The following LRP4 variants were observed in gnomAD, a reference collection of about 807,000 sequenced individuals.
LRP4 encodes the protein LDL receptor related protein 4.
In LRP4, 95 loss-of-function variants were observed where a neutral mutation model predicts 220.3. The observed-to-expected ratio is 0.43, with a 90% CI of 0.37 to 0.51. LRP4 has a LOEUF of 0.51. Ranked by LOEUF, LRP4 falls within the 20% of genes least tolerant of loss-of-function variation. LRP4 has a pLI of 0.00. For missense variants in LRP4, 1,925 were observed against 2,567.0 expected (o/e 0.75, Z 5.40); for synonymous variants, 903 against 954.6 (o/e 0.95, Z 1.00).
chr11:46,914,792 C>G (rs1941921725), intron 1 of LRP4, among the ~76,000 whole-genome samples: 1 of 152,198 alleles, frequency 6.6e-6, no homozygotes, highest in African/African-American at 2.4e-5. Flanking sequence ...GACAAGATTA[C>G]TTCTTAAAGT....
At chr11:46,886,747 T>C (rs916200478) in intron 16 of LRP4, among the ~76,000 whole-genome samples, 2 of 152,144 alleles carry the variant, frequency 1.3e-5, no homozygotes, top group Non-Finnish European at 2.9e-5. Context: ...TCTACTAAGG[T>C]CCCAGAAGTG....
rs553603392 is a variant in LRP4 at position 46,879,648 on chromosome 11, T to A, written c.2815-333A>T. On this transcript the variant is annotated intron_variant, in intron 20 of 37. Coordinates refer to ENST00000378623, the MANE Select transcript of LRP4 (RefSeq NM_002334.4). ...AGTGGACACTACCTTAACCATACAA[T>A]GGCAGTAAGTATCACAATAACGGAA... is the stretch of plus-strand genomic sequence containing the variant. Among the ~76,000 whole-genome samples, 5 of 152,324 alleles carry A rather than the reference T, an allele frequency of 3.3e-5. No homozygotes were observed. In the East Asian group the frequency reaches 7.7e-4, roughly 23 times the overall value.
intron 1 of LRP4, among the ~76,000 whole-genome samples, chr11:46,917,693 A>G (rs986917081): frequency 1.3e-5 from 2 of 152,046 alleles, no homozygotes; most frequent in African/African-American, 4.8e-5. Context: ...AGGACGATCC[A>G]GGGCTGGAAG....
In LRP4 at chr11:46,859,158, A is replaced by C; in HGVS notation, c.5543T>G (p.Val1848Gly). 2 of 1,614,104 alleles carry C rather than the reference A, an allele frequency of 1.2e-6. No homozygotes were observed. The highest frequency in any genetic ancestry group is 1.7e-6 in the Non-Finnish European group (2 of 1,180,022). The change falls in exon 38 of 38, where the codon GTG becomes GGG. Residue 1848 changes from valine (V) to glycine (G), a missense_variant. Val to Gly is a moderately radical substitution (Grantham distance 109). Around this residue, in one of 3 missense-constraint regions of LRP4, gnomAD observed 1,244 missense variants for 1,624.9 expected, o/e 0.77. Coordinates refer to ENST00000378623, the MANE Select transcript of LRP4 (RefSeq NM_002334.4). ...RDHVCMKTDT[V>G]SIQASSGSLD... ...GGAGCCAGAGCTGGCCTGGATGGAC[A>C]CCGTGTCTGTCTTCATGCATACATG...
At chr11:46,906,589 C>A (rs1278092124) in intron 1 of LRP4, among the ~76,000 whole-genome samples, 2 of 152,106 alleles carry the variant, frequency 1.3e-5, no homozygotes, top group Non-Finnish European at 2.9e-5. Flanking sequence ...AGATGCAGGG[C>A]TGTGGAGGCT....
At chr11:46,872,105 A>AATTAGCCAGG (rs1316447816) in intron 30 of LRP4, among the ~76,000 whole-genome samples, 1 of 152,082 alleles carries the variant, frequency 6.6e-6, no homozygotes, top group Non-Finnish European at 1.5e-5. Context: ...AAAATACAAA[A>AATTAGCCAGG]ATTAGCCAGG....
rs1364501107 is a variant in LRP4 at position 46,896,345 on chromosome 11, T to C, written c.923-10A>G. On this transcript the variant is annotated splice_polypyrimidine_tract_variant and intron_variant, in intron 8 of 37. Coordinates refer to ENST00000378623, the MANE Select transcript of LRP4 (RefSeq NM_002334.4). Reference sequence around the variant, plus strand: ...GCACATTGGGGGCTTCCTAGAGAGATGGAGGGTCAGGTCATAGCAAGGCAG... The same window carrying C: ...GCACATTGGGGGCTTCCTAGAGAGACGGAGGGTCAGGTCATAGCAAGGCAG... 2 of 1,613,092 alleles carry C rather than the reference T, an allele frequency of 1.2e-6. No homozygotes were observed. Among genetic ancestry groups the C allele is most frequent in the African/African-American group, 1.3e-5 (1 of 75,026 alleles).
intron 35 of LRP4, 76 bp downstream of exon 35, chr11:46,865,043 G>T: frequency 8.0e-7 from 1 of 1,255,644 alleles, no homozygotes; most frequent in Non-Finnish European, 1.1e-6. Context: ...TCCCAATGAA[G>T]GTTATGAAAG....
At chr11:46,909,611 C>A (rs1455694126) in intron 1 of LRP4, among the ~76,000 whole-genome samples, 9 of 46,102 alleles carry the variant, frequency 2.0e-4, no homozygotes, top group African/African-American at 6.0e-4. Context: ...GACTCCGTCT[C>A]AAAAAAAAAA....
chr11:46,873,403 G>A lies in LRP4; in HGVS notation c.4420C>T (p.Arg1474Trp), dbSNP rs755247209. 3.7e-6 allele frequency: 6 copies of A among 1,614,022 alleles called. No individual in the cohort carries two copies. The highest frequency in any genetic ancestry group is 2.2e-5 in the East Asian group (1 of 44,890). The change falls in exon 29 of 38, where the codon CGG becomes TGG. Residue 1474 changes from arginine to tryptophan, a missense_variant. Arg to Trp is a moderately radical substitution (Grantham distance 101). Coordinates refer to ENST00000378623, the MANE Select transcript of LRP4 (RefSeq NM_002334.4). The surrounding 1 kb of genome is among the most constrained non-coding windows in gnomAD (Gnocchi z 4.2). Reference protein sequence around the residue: ...VLINNSLDEPRAIAVFPRKGY... With the variant: ...VLINNSLDEPWAIAVFPRKGY... ...TTCCTGGGGAAAACAGCAATGGCCC[G>A]GGGCTCATCCAGGCTATTGTTGATC...
At chr11:46,872,829 G>A (rs1266491523) in intron 30 of LRP4, among the ~76,000 whole-genome samples, 1 of 152,174 alleles carries the variant, frequency 6.6e-6, no homozygotes, top group African/African-American at 2.4e-5. Flanking sequence ...ATGAGTAGGG[G>A]TGTGAGACCT....
At chr11:46,864,282 A>G (rs775424549) in intron 36 of LRP4, among the ~76,000 whole-genome samples, 166 bp downstream of exon 36, 9 of 152,200 alleles carry the variant, frequency 5.9e-5, no homozygotes, top group Non-Finnish European at 1.0e-4. Flanking sequence ...GGAGAAGAGT[A>G]AGTATTTAGG....
chr11:46,898,965 G>C lies in LRP4; in HGVS notation c.615C>G (p.Leu205=). The change falls in exon 6 of 38, where the codon CTC becomes CTG. Residue 205 remains leucine (L), a synonymous_variant. Transcript: ENST00000378623. ...CGTCGCCATCGCAGTGGTAGATGTC[G>C]AGGATGCAGCGTCCATAGGCACACT... The part of the protein sequence containing the change: ...EFQCAYGRCI[L]DIYHCDGDDD... 5 of 1,613,794 alleles carry C rather than the reference G, an allele frequency of 3.1e-6. No homozygotes were observed. Among genetic ancestry groups the C allele is most frequent in the Non-Finnish European group, 4.2e-6 (5 of 1,179,994 alleles).
At chr11:46,894,357 G>A (rs1026724263) in intron 12 of LRP4, among the ~76,000 whole-genome samples, 1 of 152,190 alleles carries the variant, frequency 6.6e-6, no homozygotes, top group Non-Finnish European at 1.5e-5. Flanking sequence ...AACCACCAAC[G>A]TGGTCTCATT....
At chr11:46,917,164 G>T (rs1174836105) in intron 1 of LRP4, among the ~76,000 whole-genome samples, 1 of 152,216 alleles carries the variant, frequency 6.6e-6, no homozygotes, top group Middle Eastern at 3.2e-3. Flanking sequence ...GGCAAGTTCG[G>T]AAATCTGCAC....
In LRP4 at chr11:46,886,335, G is replaced by C; in HGVS notation, c.2414C>G (p.Thr805Arg). The C allele has an allele frequency of 6.3e-7, 1 of 1,586,038 alleles. No homozygotes were observed. The highest frequency in any genetic ancestry group is 1.1e-5 in the South Asian group (1 of 88,314). Residue 805 changes from threonine to arginine, a missense_variant, in exon 17 of 38, where the codon ACA (threonine) becomes AGA (arginine). By Grantham distance (71) the Thr-to-Arg change is moderately conservative. This residue lies in a region of LRP4 where 1,244 missense variants were observed against 1,624.9 expected (regional missense o/e 0.77). Transcript: ENST00000378623. ...CACGCTGGGCCCTACCTCCTGTCCT[G>C]TTCCATCCCACTTGGCCCTGCTGAT... ...DTISRAKWDG[T>R]GQEVVVDTSL...
In LRP4 at chr11:46,900,674, A is replaced by G. The variant is rs1056317670; in HGVS notation, c.200-296T>C. Among the ~76,000 whole-genome samples, 3 of 151,762 alleles carry G rather than the reference A, an allele frequency of 2.0e-5. No homozygotes were observed. In the South Asian group the frequency reaches 6.2e-4, roughly 32 times the overall value. On this transcript the variant is annotated intron_variant, in intron 2 of 37. Coordinates refer to ENST00000378623, the MANE Select transcript of LRP4 (RefSeq NM_002334.4). ...TGTTTTTGTTTTTTGCATTTTTAGTAGAGACAGGGTTTTGTCGTGTTGGCC... is the reference window on the plus strand; with the variant it reads ...TGTTTTTGTTTTTTGCATTTTTAGTGGAGACAGGGTTTTGTCGTGTTGGCC...
At chr11:46,862,484 T>C (rs1940584180) in intron 37 of LRP4, 122 bp downstream of exon 37, 2 of 1,028,166 alleles carry the variant, frequency 1.9e-6, no homozygotes, top group Non-Finnish European at 3.1e-6. Context: ...CTGTTCACTA[T>C]AACTTCCAAA....
At chr11:46,894,171 C>T (rs1482190452) in intron 12 of LRP4, among the ~76,000 whole-genome samples, 2 of 152,182 alleles carry the variant, frequency 1.3e-5, no homozygotes, top group Non-Finnish European at 2.9e-5. Flanking sequence ...GGATTACAGG[C>T]GTGAGCCACC....
Sources: allele counts gnomAD v4.1 joint callset (sites outside exome capture counted in the v4.1 genomes callset), GRCh38; gene constraint gnomAD v4.1.1; regional missense constraint gnomAD v4.1.1; non-coding constraint Gnocchi (gnomAD v3.1); transcripts MANE v1.5; gene names NCBI Gene and HGNC (gene_info 2026-07-23, HGNC 2026-07-21).